Variants in LMNA observed in about 807,000 individuals in gnomAD.
LMNA encodes lamin A/C.
In LMNA, 20 loss-of-function variants were observed where a neutral mutation model predicts 70.4. The observed-to-expected ratio is 0.28, with a 90% CI of 0.20 to 0.41. The LOEUF (loss-of-function observed/expected upper bound fraction) is 0.41. Ranked by LOEUF, LMNA falls within the 10% of genes least tolerant of loss-of-function variation. The pLI, the probability that LMNA is intolerant of heterozygous loss-of-function variation, is 1.00. For synonymous variants in LMNA, 339 were observed against 372.8 expected (o/e 0.91, Z 1.04); for missense variants, 652 against 917.2 (o/e 0.71, Z 3.73).
intron 3 of LMNA, among the ~76,000 whole-genome samples, chr1:156,100,987 T>A (rs1000623358): frequency 5.3e-5 from 8 of 152,158 alleles, no homozygotes; most frequent in Middle Eastern, 3.4e-3. Flanking sequence ...GAGGGTAAAG[T>A]AAATGCCATG....
At chr1:156,099,888 GAAAAAT>G (rs1295845097) in intron 3 of LMNA, among the ~76,000 whole-genome samples, 1 of 124,816 alleles carries the variant, frequency 8.0e-6, no homozygotes, top group African/African-American at 3.1e-5. Context: ...AAAAAAAAAA[GAAAAAT>G]GCCCATGTGT....
rs1029190662 is a variant in LMNA at position 156,114,735 on chromosome 1, A to G, written c.-184A>G. The stretch of plus-strand genomic sequence containing the variant: ...CAGTGTTCGCGGGAGCGCCGCACCT[A>G]CACCAGCCAACCCAGATCCCGAGGT... On this transcript the variant is annotated 5_prime_UTR_variant, in exon 1 of 12. Coordinates refer to ENST00000368300, the MANE Select transcript of LMNA (RefSeq NM_170707.4). 1.0e-5 allele frequency: 6 copies of G among 573,324 alleles called. No homozygotes were observed. Among genetic ancestry groups the G allele is most frequent in the South Asian group, 2.2e-5 (1 of 45,594 alleles). 35.5% of individuals were successfully genotyped at this position (573,324 alleles called of 1,614,324 possible).
At chr1:156,082,896 C>A (rs1472609017) in intron 1 of LMNA, 1 of 152,214 alleles carries the variant, frequency 6.6e-6, no homozygotes, top group Non-Finnish European at 1.5e-5. Flanking sequence ...TCGCTCCCCT[C>A]TCCCCGCTCC....
In LMNA at chr1:156,137,275, C is replaced by A. The variant is rs1330685582; in HGVS notation, c.1608+43C>A. ...TGGCTGCTTGCTGGACGAGGCTCCC[C>A]CTGATGGCCAACATCGGAGCCAGCT... On this transcript the variant is annotated intron_variant, in intron 9 of 11. Transcript: ENST00000368300. This position sits in a 1 kb window ranked among gnomAD's most constrained non-coding sequence, Gnocchi z 4.6. 4 of 1,541,434 alleles carry A rather than the reference C, an allele frequency of 2.6e-6. No homozygotes were observed. In the Admixed American group the frequency reaches 7.8e-5, roughly 30 times the overall value.
chr1:156,132,852 T>A (rs1017166173), intron 2 of LMNA, among the ~76,000 whole-genome samples: 2 of 149,462 alleles, frequency 1.3e-5, no homozygotes, highest in Non-Finnish European at 3.0e-5. Context: ...TTTTTTTTTT[T>A]TTTTTGAGAT....
intron 1 of LMNA, among the ~76,000 whole-genome samples, chr1:156,124,731 GT>G (rs1572344221): frequency 2.6e-5 from 4 of 152,220 alleles, no homozygotes; most frequent in East Asian, 3.9e-4. Flanking sequence ...ACTTTGCCGG[GT>G]TGGGGGGGAG....
Position 156,130,819 on chromosome 1 carries a change from G to A in LMNA, c.513+46G>A, listed in dbSNP as rs1468106371. The A allele has an allele frequency of 3.9e-6, 6 of 1,536,074 alleles. No individual in the cohort carries two copies. In the Admixed American group the frequency reaches 7.8e-5, roughly 20 times the overall value. The stretch of plus-strand genomic sequence containing the variant: ...CCACCCATGGCCCCACCTAACACAT[G>A]TACACTCACTCTTCTACCTAGGCCC... On this transcript the variant is annotated intron_variant, in intron 2 of 11. Coordinates refer to ENST00000368300, the MANE Select transcript of LMNA (RefSeq NM_170707.4).
chr1:156,114,810 G>A lies in LMNA; in HGVS notation c.-109G>A. The A allele has an allele frequency of 1.3e-6, 1 of 763,028 alleles. No homozygotes were observed. Among genetic ancestry groups the A allele is most frequent in the Non-Finnish European group, 2.0e-6 (1 of 493,608 alleles). 47.3% of individuals were successfully genotyped at this position (763,028 alleles called of 1,614,324 possible). A position where few individuals can be genotyped will look rare whatever the true frequency, so the allele number is the denominator to read the frequency against. On this transcript the variant is annotated 5_prime_UTR_variant, in exon 1 of 12. Coordinates refer to ENST00000368300, the MANE Select transcript of LMNA (RefSeq NM_170707.4). ...CACGCCTGCCAGGAGCAAGCCGAGA[G>A]CCAGCCGGCCGGCGCACTCCGACTC...
chr1:156,136,945 A>G lies in LMNA; in HGVS notation c.1405A>G (p.Ile469Val). 6.2e-7 allele frequency: 1 copy of G among 1,614,116 alleles called. No homozygotes were observed. The highest frequency in any genetic ancestry group is 1.1e-5 in the South Asian group (1 of 91,058). ...NEDQSMGNWQ[I>V]KRQNGDDPLL... Reference sequence around the variant, plus strand: ...GGACCAGTCCATGGGCAATTGGCAGATCAAGCGCCAGAATGGAGATGATCC... The same window carrying G: ...GGACCAGTCCATGGGCAATTGGCAGGTCAAGCGCCAGAATGGAGATGATCC... The change falls in exon 8 of 12, where the codon ATC becomes GTC. Residue 469 changes from isoleucine (I) to valine (V), a missense_variant. Physicochemically the swap from Ile to Val is conservative, Grantham distance 29 (BLOSUM62 3). Around this residue, in one of 4 missense-constraint regions of LMNA, gnomAD observed 327 missense variants for 387.6 expected, o/e 0.84. Transcript: ENST00000368300. This position sits in a 1 kb window ranked among gnomAD's most constrained non-coding sequence, Gnocchi z 6.1.
rs886282437 is a variant in LMNA at position 156,134,734 on chromosome 1, G to A, written c.640-71G>A. The A allele has an allele frequency of 1.1e-5, 18 of 1,602,850 alleles. No individual in the cohort carries two copies. Among genetic ancestry groups the A allele is most frequent in the Middle Eastern group, 1.7e-4 (1 of 5,758 alleles). On this transcript the variant is annotated intron_variant, in intron 3 of 11. Transcript: ENST00000368300. This position sits in a 1 kb window ranked among gnomAD's most constrained non-coding sequence, Gnocchi z 5.3. ...GGAGTAGGGCTGGGCAGGGAGCCCCGCCCCTGGGTCTTGGCCTCCCAGGAA... is the reference window on the plus strand; with the variant it reads ...GGAGTAGGGCTGGGCAGGGAGCCCCACCCCTGGGTCTTGGCCTCCCAGGAA...
In LMNA at chr1:156,135,502, A is replaced by G. The variant is rs1041389483; in HGVS notation, c.936+190A>G. 15 of 719,858 alleles carry G rather than the reference A, an allele frequency of 2.1e-5. No homozygotes were observed. The African/African-American group carries it at 2.1e-4, about 10-fold the overall frequency. 44.6% of individuals were successfully genotyped at this position (719,858 alleles called of 1,614,324 possible). A position where few individuals can be genotyped will look rare whatever the true frequency, so the allele number is the denominator to read the frequency against. Reference sequence around the variant, plus strand: ...GATGGCCTGTGTGCTGTTTCTGTACACTCTTACCTCACCTTCACTTCTCAG... The same window carrying G: ...GATGGCCTGTGTGCTGTTTCTGTACGCTCTTACCTCACCTTCACTTCTCAG... On this transcript the variant is annotated intron_variant, in intron 5 of 11. Coordinates refer to ENST00000368300, the MANE Select transcript of LMNA (RefSeq NM_170707.4). This position sits in a 1 kb window ranked among gnomAD's most constrained non-coding sequence, Gnocchi z 4.8.
chr1:156,129,904 G>T (rs1313670737), intron 1 of LMNA: 1 of 766,292 alleles, frequency 1.3e-6, no homozygotes, highest in Non-Finnish European at 2.4e-6. Flanking sequence ...GGCTATGGTA[G>T]ATGGGTAGGG....
At position 156,114,741 on chromosome 1, in the gene LMNA, G is replaced by C. The variant is rs1426530210; in HGVS notation, c.-178G>C. 1 of 583,592 alleles carries C rather than the reference G, an allele frequency of 1.7e-6. No homozygotes were observed. Among genetic ancestry groups the C allele is most frequent in the Non-Finnish European group, 3.0e-6 (1 of 335,272 alleles). 36.2% of individuals were successfully genotyped at this position (583,592 alleles called of 1,614,324 possible). On this transcript the variant is annotated 5_prime_UTR_variant, in exon 1 of 12. Coordinates refer to ENST00000368300, the MANE Select transcript of LMNA (RefSeq NM_170707.4). ...TCGCGGGAGCGCCGCACCTACACCAGCCAACCCAGATCCCGAGGTCCGACA... is the reference window on the plus strand; with the variant it reads ...TCGCGGGAGCGCCGCACCTACACCACCCAACCCAGATCCCGAGGTCCGACA...
At chr1:156,104,102 G>A (rs930495589) in intron 3 of LMNA, among the ~76,000 whole-genome samples, 12 of 152,242 alleles carry the variant, frequency 7.9e-5, no homozygotes, top group Admixed American at 6.5e-4. Context: ...GGGAAGGCCT[G>A]GCAGCCCAGG....
At position 156,139,689 on chromosome 1, in the gene LMNA, G is replaced by A; in HGVS notation, c.*583G>A. ...GGTTCCTCTGCCTGCCCCGCCCCCA[G>A]TCCCCACCCCTGCCCCCAGCCCCGG... On this transcript the variant is annotated 3_prime_UTR_variant, in exon 12 of 12. Transcript: ENST00000368300. The A allele has an allele frequency of 7.0e-7, 1 of 1,424,292 alleles. No individual in the cohort carries two copies. The highest frequency in any genetic ancestry group is 2.2e-5 in the Admixed American group (1 of 44,938). 88.2% of individuals were successfully genotyped at this position (1,424,292 alleles called of 1,614,324 possible).
chr1:156,109,122 G>A (rs1450213072), intron 3 of LMNA, among the ~76,000 whole-genome samples: 1 of 152,076 alleles, frequency 6.6e-6, no homozygotes, highest in Non-Finnish European at 1.5e-5. Context: ...TATTGTATTG[G>A]TCCAACAAAA....
At position 156,135,881 on chromosome 1, in the gene LMNA, ACCCT is replaced by A; in HGVS notation, c.937-16_937-13del. ...CTTAGGGCCCTTGGGAGCTCACCAA[ACCCT>A]CCCACCCCCCTTCAGCTGGCAGCCA... On this transcript the variant is annotated splice_polypyrimidine_tract_variant and intron_variant, in intron 5 of 11. Coordinates refer to ENST00000368300, the MANE Select transcript of LMNA (RefSeq NM_170707.4). The surrounding 1 kb of genome is among the most constrained non-coding windows in gnomAD (Gnocchi z 4.8). 6.2e-7 allele frequency: 1 copy of A among 1,606,410 alleles called. No individual in the cohort carries two copies. The highest frequency in any genetic ancestry group is 8.5e-7 in the Non-Finnish European group (1 of 1,174,892).
intron 2 of LMNA, among the ~76,000 whole-genome samples, chr1:156,084,341 G>C (rs1030662944): frequency 1.6e-5 from 2 of 127,366 alleles, no homozygotes; most frequent in Admixed American, 7.9e-5. Context: ...GGGGTGGTGG[G>C]GGCAGTTGGC....
At chr1:156,126,419 C>A in intron 1 of LMNA, 1 of 621,970 alleles carries the variant, frequency 1.6e-6, no homozygotes, top group Admixed American at 2.9e-5. Context: ...GCAACCGGGC[C>A]CAAACAGGCC....
Sources: gnomAD v4.1 joint callset for allele counts (sites outside exome capture counted in the v4.1 genomes callset) on GRCh38, gnomAD v4.1.1 for gene constraint, gnomAD v4.1.1 regional missense constraint, Gnocchi (gnomAD v3.1) non-coding constraint, MANE v1.5 for transcripts, NCBI Gene and HGNC (gene_info 2026-07-23, HGNC 2026-07-21) for gene names.